Variants in KHDRBS2 observed in about 807,000 individuals in gnomAD.
The protein encoded by KHDRBS2 is KH RNA binding domain containing, signal transduction associated 2.
Under a neutral mutation model 44.3 loss-of-function variants are expected in KHDRBS2, and 26 were observed. The ratio of observed to expected loss-of-function variants is 0.59; its 90% CI spans 0.43 to 0.81. The LOEUF is 0.81. Among genes scored for constraint, KHDRBS2 ranks in the 40% least tolerant of loss-of-function variants. The probability of loss-of-function intolerance (pLI) is 0.00; values close to 1 mark genes in which losing one functional copy is unlikely to be tolerated. For synonymous variants in KHDRBS2, 194 were observed against 151.1 expected (o/e 1.28, Z -2.08); for missense variants, 476 against 433.1 (o/e 1.10, Z -0.88).
intron 4 of KHDRBS2, among the ~76,000 whole-genome samples, chr6:61,970,588 C>T (rs565560000): frequency 8.5e-5 from 13 of 152,070 alleles, no homozygotes; most frequent in Non-Finnish European, 1.6e-4. Flanking sequence ...CTGAACACAT[C>T]GAAGAGTCCA....
intron 4 of KHDRBS2, among the ~76,000 whole-genome samples, chr6:61,920,711 A>C (rs1807924580): frequency 6.6e-6 from 1 of 151,934 alleles, no homozygotes; most frequent in South Asian, 2.1e-4. Context: ...TTCTTGACTG[A>C]GTAGTTGGAA....
At chr6:61,628,445 C>T in the KHDRBS2 span, among the ~76,000 whole-genome samples, 219 of 152,228 alleles carry the variant, frequency 1.4e-3, no homozygotes, top group Admixed American at 3.3e-3. Context: ...GTTGTCCAAA[C>T]TCCGCAGCTG....
intron 2 of KHDRBS2, among the ~76,000 whole-genome samples, chr6:62,100,660 T>G (rs968912677): frequency 6.6e-6 from 1 of 152,190 alleles, no homozygotes; most frequent in African/African-American, 2.4e-5. Flanking sequence ...TCACTGAAGG[T>G]TCAGGAAATC....
At chr6:61,694,619 G>A (rs1767709382) in intron 8 of KHDRBS2, among the ~76,000 whole-genome samples, 1 of 152,176 alleles carries the variant, frequency 6.6e-6, no homozygotes, top group Non-Finnish European at 1.5e-5. Flanking sequence ...TGCTGCAGGG[G>A]CAGGTGTGGA....
intron 2 of KHDRBS2, among the ~76,000 whole-genome samples, chr6:62,143,636 G>T (rs1284431300): frequency 6.6e-6 from 1 of 151,782 alleles, no homozygotes; most frequent in Non-Finnish European, 1.5e-5. Context: ...TATAGGACGT[G>T]ATTTTGCAAC....
At chr6:61,586,265 C>T in the KHDRBS2 span, among the ~76,000 whole-genome samples, 6 of 152,172 alleles carry the variant, frequency 3.9e-5, no homozygotes, top group Admixed American at 1.3e-4. Flanking sequence ...CTTCAAGGAG[C>T]ATGTGTCTCC....
At chr6:61,708,877 G>A (rs1351114927) in intron 7 of KHDRBS2, among the ~76,000 whole-genome samples, 2 of 151,602 alleles carry the variant, frequency 1.3e-5, no homozygotes, top group East Asian at 2.0e-4. Flanking sequence ...CTCCATTCTG[G>A]GTTCCACTTG....
chr6:61,608,232 TTA>T, the KHDRBS2 span, among the ~76,000 whole-genome samples: 60 of 151,690 alleles, frequency 4.0e-4, no homozygotes, highest in Non-Finnish European at 7.1e-4. Context: ...TCTGCTTGTT[TTA>T]TATATATATA....
intron 2 of KHDRBS2, among the ~76,000 whole-genome samples, chr6:62,102,974 G>A (rs1424677038): frequency 6.6e-6 from 1 of 152,154 alleles, no homozygotes; most frequent in Admixed American, 6.5e-5. Flanking sequence ...CAAGAGATCC[G>A]AAGTGTGTAC....
intron 6 of KHDRBS2, among the ~76,000 whole-genome samples, chr6:61,825,620 T>C (rs1223904453): frequency 6.6e-6 from 1 of 152,158 alleles, no homozygotes; most frequent in Non-Finnish European, 1.5e-5. Flanking sequence ...TCTGTTGACA[T>C]AGTTACCGTT....
chr6:61,591,700 C>T, the KHDRBS2 span, among the ~76,000 whole-genome samples: 1 of 152,052 alleles, frequency 6.6e-6, no homozygotes, highest in Non-Finnish European at 1.5e-5. Context: ...TATTGATTTC[C>T]AAGAAAGACA....
chr6:61,752,095 G>A (rs1777787430), intron 6 of KHDRBS2, among the ~76,000 whole-genome samples: 1 of 152,126 alleles, frequency 6.6e-6, no homozygotes, highest in Admixed American at 6.5e-5. Flanking sequence ...AGGTATTAAA[G>A]CCTCAACATA....
the KHDRBS2 span, among the ~76,000 whole-genome samples, chr6:61,607,286 T>A: frequency 6.6e-6 from 1 of 151,154 alleles, no homozygotes; most frequent in African/African-American, 2.4e-5. Context: ...CCATTAAAAA[T>A]TAAAAATAAT....
intron 6 of KHDRBS2, among the ~76,000 whole-genome samples, chr6:61,831,148 T>G (rs1198913472): frequency 6.6e-6 from 1 of 152,176 alleles, no homozygotes; most frequent in Non-Finnish European, 1.5e-5. Context: ...TGATTAGCAT[T>G]GAGGCTCCTT....
At chr6:62,167,211 T>C (rs1433452620) in intron 2 of KHDRBS2, among the ~76,000 whole-genome samples, 1 of 151,960 alleles carries the variant, frequency 6.6e-6, no homozygotes, top group Non-Finnish European at 1.5e-5. Context: ...ACAGGCTGAA[T>C]ATTCACTAGA....
intron 4 of KHDRBS2, among the ~76,000 whole-genome samples, chr6:61,955,804 A>G (rs1021528275): frequency 4.6e-5 from 7 of 152,040 alleles, no homozygotes; most frequent in African/African-American, 1.7e-4. Flanking sequence ...TTAAGTGCCA[A>G]TCATGTATTT....
Position 62,204,174 on chromosome 6 carries a change from A to G in KHDRBS2, c.92-26862T>C, listed in dbSNP as rs75533386. 1.2e-4 allele frequency among the ~76,000 whole-genome samples: 19 copies of G among 152,312 alleles called. No homozygotes were observed. In the East Asian group the frequency reaches 3.3e-3, roughly 26 times the overall value. On this transcript the variant is annotated intron_variant, in intron 1 of 8. Coordinates refer to ENST00000281156, the MANE Select transcript of KHDRBS2 (RefSeq NM_152688.4). ...CTTTTGTTTACAAATATCATGCCTC[A>G]GGCATTCCTTTGTAGCAACACAAAT... is the stretch of plus-strand genomic sequence containing the variant.
intron 6 of KHDRBS2, among the ~76,000 whole-genome samples, chr6:61,787,251 C>T (rs1341745025): frequency 6.6e-6 from 1 of 151,400 alleles, no homozygotes; most frequent in African/African-American, 2.4e-5. Context: ...AAATCTTTGA[C>T]CTTATCGCTT....
At chr6:62,007,057 T>C (rs956098980) in intron 3 of KHDRBS2, among the ~76,000 whole-genome samples, 7 of 152,068 alleles carry the variant, frequency 4.6e-5, no homozygotes, top group Non-Finnish European at 1.0e-4. Context: ...AACTGGACAT[T>C]GCTTCTGTGA....
Sources: gnomAD v4.1 joint callset for allele counts (sites outside exome capture counted in the v4.1 genomes callset) on GRCh38, gnomAD v4.1.1 for gene constraint, MANE v1.5 for transcripts, NCBI Gene and HGNC (gene_info 2026-07-23, HGNC 2026-07-21) for gene names.